Variants in MAP3K5 observed in about 807,000 individuals in gnomAD.
MAP3K5 encodes mitogen-activated protein kinase kinase kinase 5, also known as ASK-1.
In MAP3K5, 56 loss-of-function variants were observed where a neutral mutation model predicts 158.7. The observed-to-expected ratio is 0.35, with a 90% CI of 0.28 to 0.44. The LOEUF is 0.44. MAP3K5 is among the 20% of genes least tolerant of loss of function. MAP3K5 has a pLI of 1.00. For synonymous variants in MAP3K5, 579 were observed against 601.7 expected, an observed-to-expected ratio of 0.96 and a Z score of 0.55; for missense variants, 1,294 against 1,674.8, an observed-to-expected ratio of 0.77 and a Z score of 3.97.
chr6:136,752,986 A>G (rs1412722063), intron 1 of MAP3K5, among the ~76,000 whole-genome samples: 1 of 152,060 alleles, frequency 6.6e-6, no homozygotes, highest in African/African-American at 2.4e-5. Context: ...CCACCACCCC[A>G]TAGTTCTTGC....
chr6:136,686,535 G>A (rs7746656), intron 7 of MAP3K5, among the ~76,000 whole-genome samples: 10,289 of 152,174 alleles, frequency 0.068, 1,178 homozygotes, highest in African/African-American at 0.23. Flanking sequence ...CATCGTCTCA[G>A]CCCAAAATCT....
rs928855798 is a variant in MAP3K5 at position 136,614,062 on chromosome 6, A to C, written c.2278+97T>G. On this transcript the variant is annotated intron_variant, in intron 16 of 29. Coordinates refer to ENST00000359015, the MANE Select transcript of MAP3K5 (RefSeq NM_005923.4). ...ATGTCCAATTTTTCTTTCAGTTTAGACAGATTAAGACCTGTACGCTAGTAA... is the reference window on the plus strand; with the variant it reads ...ATGTCCAATTTTTCTTTCAGTTTAGCCAGATTAAGACCTGTACGCTAGTAA... The C allele has an allele frequency of 2.2e-6, 3 of 1,359,324 alleles. No individual in the cohort carries two copies. In the African/African-American group the frequency reaches 4.4e-5, roughly 20 times the overall value. The allele number at this position is 1,359,324 out of a possible 1,614,324, so 84.2% of individuals were successfully genotyped here. A position where few individuals can be genotyped will look rare whatever the true frequency, so the allele number is the denominator to read the frequency against.
chr6:136,603,193 AGATG>A, intron 19 of MAP3K5, among the ~76,000 whole-genome samples: 1 of 150,532 alleles, frequency 6.6e-6, no homozygotes, highest in South Asian at 2.1e-4. Context: ...TTTTTTTTTA[AGATG>A]GAGTCTCATT....
rs747262443 is a variant in MAP3K5 at position 136,583,609 on chromosome 6, G to A, written c.3357C>T (p.Phe1119=). The part of the protein sequence containing the change: ...TLSKLKLELD[F]DSHGISQVQV... ...GGACTTGGCTAATGCCATGGCTGTCGAAGTCCAGCTCCAGTTTCAGCTTTG... is the reference window on the plus strand; with the variant it reads ...GGACTTGGCTAATGCCATGGCTGTCAAAGTCCAGCTCCAGTTTCAGCTTTG... Residue 1119 remains phenylalanine (F), a synonymous_variant, in exon 24 of 30, where the codon TTC becomes TTT. Coordinates refer to ENST00000359015, the MANE Select transcript of MAP3K5 (RefSeq NM_005923.4). 1.6e-5 allele frequency: 26 copies of A among 1,614,058 alleles called. 1 individual carries two copies. Among genetic ancestry groups the A allele is most frequent in the South Asian group, 9.9e-5 (9 of 91,086 alleles).
chr6:136,722,383 T>C (rs1781779013), intron 1 of MAP3K5, among the ~76,000 whole-genome samples: 1 of 152,198 alleles, frequency 6.6e-6, no homozygotes, highest in South Asian at 2.1e-4. Flanking sequence ...TTAATATCTT[T>C]ATAAATCATC....
At chr6:136,621,177 T>C (rs933049069) in intron 15 of MAP3K5, among the ~76,000 whole-genome samples, 10 of 152,310 alleles carry the variant, frequency 6.6e-5, no homozygotes, top group African/African-American at 2.4e-4. Context: ...TACTGATATA[T>C]TCCGAAACTC....
chr6:136,697,503 G>C (rs1780651772), intron 4 of MAP3K5, 116 bp from the exon 5 acceptor site: 12 of 805,454 alleles, frequency 1.5e-5, no homozygotes, highest in Non-Finnish European at 2.3e-5. Flanking sequence ...AGCATTTGTA[G>C]TTTTCAGTTC....
chr6:136,668,440 A>G (rs1317579035), intron 8 of MAP3K5, among the ~76,000 whole-genome samples: 2 of 152,082 alleles, frequency 1.3e-5, no homozygotes, highest in Non-Finnish European at 1.5e-5. Context: ...TCATAGCTTC[A>G]CTAAGATGAA....
intron 3 of MAP3K5, among the ~76,000 whole-genome samples, chr6:136,700,344 T>G (rs899202663): frequency 6.6e-6 from 1 of 151,996 alleles, no homozygotes; most frequent in African/African-American, 2.4e-5. Flanking sequence ...AACAGACACG[T>G]GCGTGACTGA....
At chr6:136,658,403 C>T (rs1162688648) in intron 9 of MAP3K5, among the ~76,000 whole-genome samples, 2 of 148,008 alleles carry the variant, frequency 1.4e-5, no homozygotes, top group Admixed American at 6.9e-5. Flanking sequence ...CAACCTCCGC[C>T]TCCTGGGTTC....
intron 7 of MAP3K5, among the ~76,000 whole-genome samples, chr6:136,683,668 TC>T (rs1022623225): frequency 6.6e-6 from 1 of 152,162 alleles, no homozygotes; most frequent in Non-Finnish European, 1.5e-5. Flanking sequence ...AACAGAATAT[TC>T]TAAGGGTAAT....
At chr6:136,739,099 G>A (rs1341709366) in intron 1 of MAP3K5, among the ~76,000 whole-genome samples, 1 of 152,160 alleles carries the variant, frequency 6.6e-6, no homozygotes, top group Non-Finnish European at 1.5e-5. Flanking sequence ...ATTTTGAACA[G>A]TACAACAGAC....
intron 17 of MAP3K5, 42 bp from the exon 18 acceptor site, chr6:136,611,429 C>A: frequency 8.8e-7 from 1 of 1,139,214 alleles, no homozygotes; most frequent in Non-Finnish European, 1.3e-6. Flanking sequence ...TATCTTTCTT[C>A]AGATACTGTC....
rs186854089 is a variant in MAP3K5, at chr6:136,618,653, C to T, written c.2150+4195G>A. 1.1e-4 allele frequency among the ~76,000 whole-genome samples: 17 copies of T among 152,284 alleles called. No homozygotes were observed. The South Asian group carries it at 1.7e-3, about 15-fold the overall frequency. On this transcript the variant is annotated intron_variant, in intron 15 of 29. Transcript: ENST00000359015. ...ATTTCATATTGTTTCAAAGTCTACA[C>T]TATCTATACATATGCTCCTTAAGAA...
intron 1 of MAP3K5, among the ~76,000 whole-genome samples, chr6:136,768,161 G>A (rs757148762): frequency 3.3e-5 from 5 of 152,112 alleles, no homozygotes; most frequent in Non-Finnish European, 5.9e-5. Context: ...GCTTTCTTAC[G>A]TAAGACAACG....
chr6:136,774,676 C>G (rs756487924), intron 1 of MAP3K5, among the ~76,000 whole-genome samples: 5 of 152,056 alleles, frequency 3.3e-5, no homozygotes, highest in Non-Finnish European at 7.3e-5. Context: ...TTAACTCACA[C>G]TTAAGCAGAA....
chr6:136,769,738 GGGAAGGAAGGAAGGAAGGAAGGAA>G (rs1209835950), intron 1 of MAP3K5, among the ~76,000 whole-genome samples: 4 of 52,286 alleles, frequency 7.7e-5, no homozygotes, highest in African/African-American at 2.9e-4. Context: ...AAGGGAGGAA[GGGAAGGAAGGAAGGAAGGAAGGAA>G]GGAAGGAAGG....
At chr6:136,601,281 C>A (rs751157213) in intron 20 of MAP3K5, among the ~76,000 whole-genome samples, 1 of 152,068 alleles carries the variant, frequency 6.6e-6, no homozygotes, top group Non-Finnish European at 1.5e-5. Context: ...TTTTACACTA[C>A]TGTTTTATTT....
chr6:136,584,780 G>A (rs1403067464), intron 23 of MAP3K5, among the ~76,000 whole-genome samples: 3 of 152,136 alleles, frequency 2.0e-5, no homozygotes, highest in Admixed American at 6.5e-5. Context: ...CAAACTCCGG[G>A]GACTTGAAGT....
Sources: gnomAD v4.1 joint callset for allele counts (sites outside exome capture counted in the v4.1 genomes callset) on GRCh38, gnomAD v4.1.1 for gene constraint, MANE v1.5 for transcripts, NCBI Gene and HGNC (gene_info 2026-07-23, HGNC 2026-07-21) for gene names.